The following PDE4D variants were observed in gnomAD, a reference collection of about 807,000 sequenced individuals.
PDE4D encodes 3',5'-cyclic-AMP phosphodiesterase 4D.
Under a neutral mutation model 87.4 loss-of-function variants are expected in PDE4D, and 24 were observed. The ratio of observed to expected loss-of-function variants is 0.27; its 90% CI spans 0.20 to 0.39. The LOEUF (loss-of-function observed/expected upper bound fraction) is 0.39, where lower values mean the gene tolerates loss of function less well. PDE4D is among the 10% of genes least tolerant of loss of function. The pLI is 1.00. For missense variants in PDE4D, 714 were observed against 1,041.0 expected (o/e 0.69, Z 4.32); for synonymous variants, 384 against 383.2 (o/e 1.00, Z -0.02).
At chr5:59,305,990 G>C (rs560467088) in intron 1 of PDE4D, among the ~76,000 whole-genome samples, 53 of 152,214 alleles carry the variant, frequency 3.5e-4, no homozygotes, top group African/African-American at 1.1e-3. Flanking sequence ...GTGAAGTACT[G>C]AAGTCCCCCA....
At chr5:60,475,498 GA>G (rs1748238195) in intron 1 of PDE4D, among the ~76,000 whole-genome samples, 1 of 152,120 alleles carries the variant, frequency 6.6e-6, no homozygotes, top group African/African-American at 2.4e-5. Context: ...GTCATCCTAT[GA>G]CGAAAATGGC....
chr5:60,416,829 T>C (rs1263201473), intron 1 of PDE4D, among the ~76,000 whole-genome samples: 1 of 152,244 alleles, frequency 6.6e-6, no homozygotes, highest in Non-Finnish European at 1.5e-5. Context: ...CTGAATAACT[T>C]TGTGGAACAT....
At chr5:60,515,117 T>C (rs974998640) in intron 1 of PDE4D, among the ~76,000 whole-genome samples, 1 of 152,170 alleles carries the variant, frequency 6.6e-6, no homozygotes, top group Non-Finnish European at 1.5e-5. Flanking sequence ...ATATGATCAC[T>C]GCAGTGAACC....
rs911549575 is a variant in PDE4D, at chr5:60,047,076, T to G, written c.43-58359A>C. 6.0e-3 allele frequency among the ~76,000 whole-genome samples: 915 copies of G among 152,364 alleles called. 12 individuals are homozygous for G. Among genetic ancestry groups the G allele is most frequent in the African/African-American group, 0.02 (832 of 41,588 alleles). On this transcript the variant is annotated intron_variant, in intron 2 of 16. Transcript: ENST00000502484. ...TATTGGTCTATTCAGAGATTCAACT[T>G]CTTCCTGGTTTAGTCTTGGGAGAGT...
intron 1 of PDE4D, among the ~76,000 whole-genome samples, chr5:59,766,266 T>C (rs561328877): frequency 5.1e-4 from 77 of 152,332 alleles, no homozygotes; most frequent in African/African-American, 1.8e-3. Flanking sequence ...TAGGGGAAAC[T>C]GCTTCCTTCT....
chr5:60,460,410 C>T (rs1212854951), intron 1 of PDE4D: 5 of 1,191,838 alleles, frequency 4.2e-6, no homozygotes, highest in Non-Finnish European at 5.0e-6. Context: ...CTTCATCCTC[C>T]TCCAGCAGGG....
chr5:60,247,678 A>G (rs1250787486), intron 1 of PDE4D, among the ~76,000 whole-genome samples: 1 of 152,000 alleles, frequency 6.6e-6, no homozygotes, highest in East Asian at 1.9e-4. Flanking sequence ...AGCCCATCCC[A>G]TCACCTTTTT....
intron 3 of PDE4D, among the ~76,000 whole-genome samples, chr5:59,969,694 G>A (rs1435082): frequency 0.26 from 39,483 of 152,022 alleles, 5,653 homozygotes; most frequent in Admixed American, 0.35. Flanking sequence ...TACTGTTCTC[G>A]TGATAGTGAG....
At chr5:60,347,405 T>A (rs1422674785) in intron 1 of PDE4D, among the ~76,000 whole-genome samples, 2 of 152,116 alleles carry the variant, frequency 1.3e-5, no homozygotes, top group Admixed American at 6.6e-5. Flanking sequence ...CTAAGAGCAA[T>A]GAAAAGCTGT....
At chr5:59,897,823 C>T (rs945016045), upstream of PDE4D, among the ~76,000 whole-genome samples, 3 of 152,160 alleles carry the variant, frequency 2.0e-5, no homozygotes, top group African/African-American at 4.8e-5. Context: ...ATATGTGTTA[C>T]AAAAGGCTAA....
intron 1 of PDE4D, chr5:59,768,302 T>A (rs370470516): frequency 6.3e-7 from 1 of 1,598,230 alleles, no homozygotes; most frequent in African/African-American, 1.3e-5. Flanking sequence ...CTGAGAAGCA[T>A]TCTGCGCAGA....
chr5:60,231,160 A>G (rs1424844463), intron 1 of PDE4D, among the ~76,000 whole-genome samples: 1 of 151,988 alleles, frequency 6.6e-6, no homozygotes, highest in Non-Finnish European at 1.5e-5. Context: ...CCATTTTCTG[A>G]TAGTGACAGC....
intron 3 of PDE4D, among the ~76,000 whole-genome samples, chr5:59,923,489 A>T (rs1482798977): frequency 1.3e-5 from 2 of 148,922 alleles, no homozygotes; most frequent in Admixed American, 1.4e-4. Flanking sequence ...CCCCTCCCCA[A>T]GCTCCAGGTA....
chr5:60,199,720 A>G (rs1221936422), intron 1 of PDE4D, among the ~76,000 whole-genome samples: 2 of 151,744 alleles, frequency 1.3e-5, no homozygotes. Context: ...GAAGTAGCTG[A>G]ATGAAAGAAA....
chr5:59,397,847 GA>G, intron 1 of PDE4D, among the ~76,000 whole-genome samples: 1 of 79,676 alleles, frequency 1.3e-5, no homozygotes, highest in African/African-American at 5.9e-5. Context: ...GACTAATAAA[GA>G]AAAAAAGAGA....
chr5:59,859,339 G>C (rs981567185), intron 1 of PDE4D, among the ~76,000 whole-genome samples: 1 of 152,052 alleles, frequency 6.6e-6, no homozygotes, highest in South Asian at 2.1e-4. Flanking sequence ...GGCAGTGTAG[G>C]TGTATAGAGG....
At chr5:59,785,799 G>A (rs1765109218) in intron 1 of PDE4D, among the ~76,000 whole-genome samples, 1 of 152,136 alleles carries the variant, frequency 6.6e-6, no homozygotes, top group South Asian at 2.1e-4. Context: ...GTTTTTGCCG[G>A]TGGTACTCTA....
At chr5:59,174,431 C>G (rs907446737) in intron 5 of PDE4D, 2 of 152,584 alleles carry the variant, frequency 1.3e-5, no homozygotes, top group South Asian at 2.1e-4. Flanking sequence ...TGTGTCTCCC[C>G]CTACAGGTAA....
intron 5 of PDE4D, among the ~76,000 whole-genome samples, chr5:59,134,672 C>T (rs564499975): frequency 6.6e-6 from 1 of 152,286 alleles, no homozygotes; most frequent in African/African-American, 2.4e-5. Context: ...TCTCCTAGTG[C>T]TTGCACATAA....
Sources: gnomAD v4.1 joint callset for allele counts (sites outside exome capture counted in the v4.1 genomes callset) on GRCh38, gnomAD v4.1.1 for gene constraint, MANE v1.5 for transcripts, NCBI Gene and HGNC (gene_info 2026-07-23, HGNC 2026-07-21) for gene names.